LGSN: variants seen among roughly 807,000 people sequenced by gnomAD.
The protein encoded by LGSN is lengsin.
A neutral mutation model predicts 19.5 loss-of-function variants in LGSN; 21 were observed. The observed-to-expected ratio is 1.07, with a 90% CI of 0.76 to 1.55. LGSN has a LOEUF of 1.55. Among genes scored for constraint, LGSN ranks in the 40% most tolerant of loss-of-function variants. The probability of loss-of-function intolerance (pLI) is 0.00; values close to 1 mark genes in which losing one functional copy is unlikely to be tolerated. For missense variants in LGSN, 673 were observed against 608.5 expected (o/e 1.11, Z -1.12); for synonymous variants, 257 against 215.6 (o/e 1.19, Z -1.68).
chr6:63,534,648 AAAT>A, the LGSN span, among the ~76,000 whole-genome samples: 6 of 151,932 alleles, frequency 3.9e-5, no homozygotes, highest in Non-Finnish European at 7.4e-5. Context: ...TGTCTCTAAA[AAAT>A]AATAATAAAA....
Position 63,278,620 on chromosome 6 carries a change from T to G in LGSN, c.*1401A>C, listed in dbSNP as rs1767169920. The G allele has an allele frequency of 6.6e-6, 1 of 151,728 alleles. No individual in the cohort carries two copies. The highest frequency in any genetic ancestry group is 2.4e-5 in the African/African-American group (1 of 41,300). 9.4% of individuals were successfully genotyped at this position (151,728 alleles called of 1,614,324 possible). ...ATGTGCCACCATGCGAGGCATTTTT[T>G]TTTTTTTTTTTGTAGAAACAGGGGT... On this transcript the variant is annotated 3_prime_UTR_variant, in exon 4 of 4. Transcript: ENST00000370657.
the LGSN span, among the ~76,000 whole-genome samples, chr6:63,417,342 A>G: frequency 4.6e-5 from 7 of 152,182 alleles, no homozygotes; most frequent in African/African-American, 1.4e-4. Flanking sequence ...CAGTGCCCTC[A>G]ACTCTGAAGT....
At chr6:63,429,361 C>A in the LGSN span, among the ~76,000 whole-genome samples, 1 of 152,026 alleles carries the variant, frequency 6.6e-6, no homozygotes, top group African/African-American at 2.4e-5. Flanking sequence ...CAAATATAAA[C>A]AAAATCTATG....
At chr6:63,535,526 T>G in the LGSN span, among the ~76,000 whole-genome samples, 1 of 152,232 alleles carries the variant, frequency 6.6e-6, no homozygotes, top group Non-Finnish European at 1.5e-5. Context: ...GTGAATAAAC[T>G]TCATTTATTC....
the LGSN span, among the ~76,000 whole-genome samples, chr6:63,483,606 G>A: frequency 6.6e-6 from 1 of 151,964 alleles, no homozygotes; most frequent in Non-Finnish European, 1.5e-5. Flanking sequence ...ACTGTGCCTG[G>A]CCAGAAGCTC....
intron 1 of LGSN, among the ~76,000 whole-genome samples, chr6:63,316,836 C>T (rs915442717): frequency 3.3e-5 from 5 of 151,812 alleles, no homozygotes; most frequent in Non-Finnish European, 7.4e-5. Flanking sequence ...TGTTATGGAA[C>T]TGTTCGTGAA....
At chr6:63,506,220 G>C in the LGSN span, among the ~76,000 whole-genome samples, 3 of 149,252 alleles carry the variant, frequency 2.0e-5, no homozygotes, top group African/African-American at 7.6e-5. Flanking sequence ...ATGGAAAGGA[G>C]ATAAGTTCTT....
the LGSN span, among the ~76,000 whole-genome samples, chr6:63,566,854 C>T: frequency 6.6e-6 from 1 of 152,212 alleles, no homozygotes; most frequent in Non-Finnish European, 1.5e-5. Flanking sequence ...TCTTAAAACT[C>T]ACCCACTGCT....
the LGSN span, among the ~76,000 whole-genome samples, chr6:63,435,761 A>C: frequency 6.6e-6 from 1 of 152,088 alleles, no homozygotes; most frequent in African/African-American, 2.4e-5. Context: ...TAAAAATAAA[A>C]TCGAATTGAA....
Position 63,298,618 on chromosome 6 carries a change from G to A in LGSN, c.31-3573C>T, listed in dbSNP as rs1259115577. Among the ~76,000 whole-genome samples, 9 of 152,146 alleles carry A rather than the reference G, an allele frequency of 5.9e-5. No individual in the cohort carries two copies. In the East Asian group the frequency reaches 1.5e-3, roughly 26 times the overall value. ...AAAAATGGAATCCTTAATTTCTGAT[G>A]AACTGAGTGCTCCACTTTTGTCTAT... On this transcript the variant is annotated intron_variant, in intron 1 of 3. Coordinates refer to ENST00000370657, the MANE Select transcript of LGSN (RefSeq NM_016571.3).
chr6:63,474,337 A>G, the LGSN span, among the ~76,000 whole-genome samples: 83 of 152,312 alleles, frequency 5.4e-4, no homozygotes, highest in African/African-American at 2.0e-3. Flanking sequence ...GGACGGGCGC[A>G]GTGGTTCATG....
the LGSN span, among the ~76,000 whole-genome samples, chr6:63,562,201 C>CTTTTTTT: frequency 1.5e-5 from 2 of 137,332 alleles, no homozygotes; most frequent in African/African-American, 2.7e-5. Flanking sequence ...TTTTCTTTTT[C>CTTTTTTT]TTTTTTTTTT....
the LGSN span, among the ~76,000 whole-genome samples, chr6:63,412,709 G>A: frequency 5.3e-3 from 345 of 65,194 alleles, 10 homozygotes; most frequent in African/African-American, 0.024. Context: ...GAAAGAAAGA[G>A]GGAAGGAAGG....
At chr6:63,365,956 T>C in the LGSN span, among the ~76,000 whole-genome samples, 1 of 152,174 alleles carries the variant, frequency 6.6e-6, no homozygotes, top group East Asian at 1.9e-4. Context: ...ATAAGAGCTA[T>C]TTATGACAAA....
chr6:63,368,857 A>C, the LGSN span, among the ~76,000 whole-genome samples: 1 of 152,212 alleles, frequency 6.6e-6, no homozygotes, highest in African/African-American at 2.4e-5. Context: ...ATTTAAACAC[A>C]TACCCCATCA....
chr6:63,436,730 G>T, the LGSN span, among the ~76,000 whole-genome samples: 1 of 152,142 alleles, frequency 6.6e-6, no homozygotes, highest in African/African-American at 2.4e-5. Context: ...CCACAGTTTT[G>T]AAGAAAAGAA....
rs1312769458 is a variant in LGSN at position 63,280,685 on chromosome 6, A to G, written c.866T>C (p.Val289Ala). 1 of 1,614,104 alleles carries G rather than the reference A, an allele frequency of 6.2e-7. No individual in the cohort carries two copies. Among genetic ancestry groups the G allele is most frequent in the South Asian group, 1.1e-5 (1 of 91,066 alleles). Residue 289 changes from valine (V) to alanine (A), a missense_variant, in exon 4 of 4, where the codon GTC becomes GCC. Val to Ala is a moderately conservative substitution (Grantham distance 64, BLOSUM62 0). Transcript: ENST00000370657. ...ATTATATTTCCTTGCCACTTCTTTGACACCTGTTCTGAGGGTAAATGCATT... is the reference window on the plus strand; with the variant it reads ...ATTATATTTCCTTGCCACTTCTTTGGCACCTGTTCTGAGGGTAAATGCATT... ...ADNAFTLRTG[V>A]KEVARKYNYI...
At chr6:63,536,693 T>C in the LGSN span, among the ~76,000 whole-genome samples, 13 of 152,224 alleles carry the variant, frequency 8.5e-5, no homozygotes, top group African/African-American at 2.9e-4. Flanking sequence ...CTAAAGAATT[T>C]CTTTATAGTA....
At chr6:63,353,964 C>A in the LGSN span, among the ~76,000 whole-genome samples, 1 of 152,020 alleles carries the variant, frequency 6.6e-6, no homozygotes, top group Non-Finnish European at 1.5e-5. Context: ...TGAAACTAGA[C>A]CCCTATCTCT....
Sources: allele counts gnomAD v4.1 joint callset (sites outside exome capture counted in the v4.1 genomes callset), GRCh38; gene constraint gnomAD v4.1.1; transcripts MANE v1.5; gene names NCBI Gene and HGNC (gene_info 2026-07-23, HGNC 2026-07-21).